Variants in KAZN observed in about 807,000 individuals in gnomAD.
KAZN encodes the protein kazrin.
A neutral mutation model predicts 87.4 loss-of-function variants in KAZN; 40 were observed. That is an observed-to-expected ratio of 0.46 (90% CI 0.36 to 0.60). The LOEUF is 0.60. KAZN is among the 20% of genes least tolerant of loss of function. KAZN has a pLI of 0.00. For missense variants in KAZN, 898 were observed against 1,073.9 expected, an observed-to-expected ratio of 0.84 and a Z score of 2.29; for synonymous variants, 466 against 458.3, an observed-to-expected ratio of 1.02 and a Z score of -0.22.
intron 1 of KAZN, among the ~76,000 whole-genome samples, chr1:14,756,032 G>A (rs1644555041): frequency 6.6e-6 from 1 of 152,180 alleles, no homozygotes; most frequent in South Asian, 2.1e-4. Flanking sequence ...GAAGAGGCAT[G>A]GAGGGAAGTC....
chr1:14,490,647 C>A (rs1669598040), intron 2 of KAZN, among the ~76,000 whole-genome samples: 1 of 152,166 alleles, frequency 6.6e-6, no homozygotes. Context: ...CGTGTGCCAC[C>A]ATCCCCAGCT....
intron 1 of KAZN, among the ~76,000 whole-genome samples, chr1:14,721,414 G>A (rs1315024753): frequency 6.6e-6 from 1 of 152,220 alleles, no homozygotes; most frequent in Non-Finnish European, 1.5e-5. Flanking sequence ...AGCCATGCTG[G>A]ACTGTGAGTC....
chr1:14,072,433 G>T (rs1054813732), intron 1 of KAZN, among the ~76,000 whole-genome samples: 1 of 152,062 alleles, frequency 6.6e-6, no homozygotes, highest in Non-Finnish European at 1.5e-5. Context: ...CTCCATGTTG[G>T]CTGGGGATTT....
intron 1 of KAZN, among the ~76,000 whole-genome samples, chr1:14,121,557 G>GT (rs919663767): frequency 6.6e-6 from 1 of 152,120 alleles, no homozygotes; most frequent in Admixed American, 6.5e-5. Flanking sequence ...TAACAAACAC[G>GT]TTTTAAAAAT....
chr1:14,492,246 GTTC>G (rs1182664912), intron 2 of KAZN, among the ~76,000 whole-genome samples: 1 of 152,084 alleles, frequency 6.6e-6, no homozygotes, highest in Non-Finnish European at 1.5e-5. Flanking sequence ...AGGAGTTTGG[GTTC>G]TTCTGGGCCC....
intron 2 of KAZN, among the ~76,000 whole-genome samples, chr1:14,984,705 T>G (rs1404079514): frequency 6.6e-6 from 1 of 152,076 alleles, no homozygotes; most frequent in Non-Finnish European, 1.5e-5. Context: ...CAGTGGAAAG[T>G]AAAATGCAAC....
At position 14,339,475 on chromosome 1, in the gene KAZN, T is replaced by C. The variant is rs144637963; in HGVS notation, c.249+158883T>C. ...AAAAGAGACTTATTACTGTAAGGAA[T>C]TGGCTCACTTGATGACAGGGGCTGA... On this transcript the variant is annotated intron_variant, in intron 2 of 16. Coordinates refer to the KAZN transcript ENST00000636203. Among the ~76,000 whole-genome samples the C allele has an allele frequency of 2.0e-4, 31 of 152,256 alleles. 1 individual carries two copies. Among genetic ancestry groups the C allele is most frequent in the African/African-American group, 7.5e-4 (31 of 41,554 alleles).
At chr1:14,928,026 G>A (rs985018998) in intron 1 of KAZN, among the ~76,000 whole-genome samples, 3 of 152,028 alleles carry the variant, frequency 2.0e-5, no homozygotes, top group Non-Finnish European at 2.9e-5. Context: ...CCACAGATGG[G>A]GAAACTGGTC....
intron 1 of KAZN, among the ~76,000 whole-genome samples, chr1:14,746,591 A>G (rs1386549611): frequency 6.6e-6 from 1 of 151,830 alleles, no homozygotes; most frequent in Non-Finnish European, 1.5e-5. Context: ...TCCAGAGGCC[A>G]TTGACAAGCA....
At chr1:14,516,439 T>A (rs1671303299) in intron 2 of KAZN, among the ~76,000 whole-genome samples, 1 of 152,202 alleles carries the variant, frequency 6.6e-6, no homozygotes, top group African/African-American at 2.4e-5. Flanking sequence ...AACCAGCATT[T>A]CCATGCCCTT....
At chr1:15,003,488 C>A (rs1668706157) in intron 2 of KAZN, among the ~76,000 whole-genome samples, 1 of 152,140 alleles carries the variant, frequency 6.6e-6, no homozygotes, top group African/African-American at 2.4e-5. Context: ...TTATCCCATA[C>A]CAGTGATATC....
chr1:14,489,814 AAGG>A (rs141599279), intron 2 of KAZN, among the ~76,000 whole-genome samples: 27,539 of 150,936 alleles, frequency 0.18, 2,872 homozygotes, highest in Non-Finnish European at 0.25. Context: ...AACATTATTT[AAGG>A]AGAATTTTTC....
intron 2 of KAZN, among the ~76,000 whole-genome samples, chr1:14,353,260 T>C (rs1313464291): frequency 6.7e-6 from 1 of 150,362 alleles, no homozygotes; most frequent in Non-Finnish European, 1.5e-5. Flanking sequence ...AGTCTGGCTG[T>C]GTCACCCAGG....
chr1:14,633,700 C>G (rs1679748037), intron 1 of KAZN, among the ~76,000 whole-genome samples: 1 of 152,140 alleles, frequency 6.6e-6, no homozygotes, highest in African/African-American at 2.4e-5. Flanking sequence ...GACACACAGT[C>G]CTCGACTCTC....
chr1:14,834,472 C>T (rs1647158498), intron 1 of KAZN, among the ~76,000 whole-genome samples: 1 of 151,344 alleles, frequency 6.6e-6, no homozygotes, highest in African/African-American at 2.4e-5. Context: ...CACCATTCTC[C>T]TGCCTCAGCC....
At chr1:14,936,583 G>T (rs1660482521) in intron 1 of KAZN, among the ~76,000 whole-genome samples, 1 of 152,028 alleles carries the variant, frequency 6.6e-6, no homozygotes, top group Admixed American at 6.6e-5. Flanking sequence ...AGCAGTTAAG[G>T]CCTCACCTAC....
At chr1:13,969,910 T>C (rs1570416708) in intron 1 of KAZN, among the ~76,000 whole-genome samples, 1 of 152,226 alleles carries the variant, frequency 6.6e-6, no homozygotes, top group East Asian at 1.9e-4. Context: ...TTAAACTGAT[T>C]CTGTGAGGTA....
At chr1:14,132,425 A>G (rs1645011101) in intron 1 of KAZN, among the ~76,000 whole-genome samples, 1 of 152,220 alleles carries the variant, frequency 6.6e-6, no homozygotes, top group African/African-American at 2.4e-5. Context: ...TGAGGGATAC[A>G]GAAAGTGACT....
intron 2 of KAZN, among the ~76,000 whole-genome samples, chr1:14,460,998 G>A (rs542310771): frequency 1.3e-5 from 2 of 152,138 alleles, no homozygotes; most frequent in African/African-American, 2.4e-5. Flanking sequence ...TGGACCCTGC[G>A]CTGTCGTCTG....
Sources: allele counts gnomAD v4.1 joint callset (sites outside exome capture counted in the v4.1 genomes callset), GRCh38; gene constraint gnomAD v4.1.1; transcripts MANE v1.5; gene names NCBI Gene and HGNC (gene_info 2026-07-23, HGNC 2026-07-21).